Variants in FANCC observed in about 807,000 individuals in gnomAD.
FANCC encodes Fanconi anemia group C protein.
Under a neutral mutation model 71.3 loss-of-function variants are expected in FANCC, and 55 were observed. That is an observed-to-expected ratio of 0.77 (90% CI 0.62 to 0.97). FANCC has a LOEUF of 0.97. Among genes scored for constraint, FANCC ranks in the 50% least tolerant of loss-of-function variants. The pLI is 0.00. For missense variants in FANCC, 678 were observed against 670.9 expected (o/e 1.01, Z -0.12); for synonymous variants, 275 against 244.9 (o/e 1.12, Z -1.15).
At position 95,112,569 on chromosome 9, in the gene FANCC, G is replaced by A. The variant is rs143886013; in HGVS notation, c.1155-932C>T. Among the ~76,000 whole-genome samples the A allele has an allele frequency of 1.1e-4, 17 of 152,336 alleles. No individual in the cohort carries two copies. In the East Asian group the frequency reaches 3.3e-3, roughly 29 times the overall value. ...GAGCTGATGCTCTGGAGGCCACGTT[G>A]GCTGTGGGCTGGGTTAGGCTGTACC... On this transcript the variant is annotated intron_variant, in intron 12 of 14. Transcript: ENST00000289081.
intron 1 of FANCC, among the ~76,000 whole-genome samples, chr9:95,259,477 A>C (rs543871438): frequency 9.2e-5 from 14 of 152,318 alleles, no homozygotes; most frequent in Non-Finnish European, 1.9e-4. Context: ...TGTTGGGAAA[A>C]CTGCTAGCCA....
At chr9:95,188,126 G>A (rs946750903) in intron 4 of FANCC, among the ~76,000 whole-genome samples, 5 of 152,164 alleles carry the variant, frequency 3.3e-5, no homozygotes, top group Non-Finnish European at 7.4e-5. Context: ...TCCTAATTAG[G>A]GGGAGAAAGA....
chr9:95,125,974 C>T (rs1825919075), intron 9 of FANCC, among the ~76,000 whole-genome samples: 1 of 152,214 alleles, frequency 6.6e-6, no homozygotes, highest in South Asian at 2.1e-4. Flanking sequence ...CACATCTCAG[C>T]TTCATGGCTG....
chr9:95,254,959 AG>A (rs907609833), intron 1 of FANCC, among the ~76,000 whole-genome samples: 5 of 152,234 alleles, frequency 3.3e-5, no homozygotes, highest in Admixed American at 6.5e-5. Flanking sequence ...ACAAAGCCGC[AG>A]GGATGTTCGC....
At chr9:95,221,279 G>A (rs1474488976) in intron 4 of FANCC, among the ~76,000 whole-genome samples, 1 of 151,972 alleles carries the variant, frequency 6.6e-6, no homozygotes, top group Non-Finnish European at 1.5e-5. Context: ...GCTAAAACAA[G>A]AAAACAGAGA....
intron 6 of FANCC, among the ~76,000 whole-genome samples, chr9:95,153,899 C>A (rs902411254): frequency 1.3e-5 from 2 of 152,084 alleles, no homozygotes; most frequent in Non-Finnish European, 2.9e-5. Flanking sequence ...CTAATTAATT[C>A]TTTAGTACTT....
In FANCC at chr9:95,192,903, A is replaced by G. The variant is rs60346856; in HGVS notation, c.346-20756T>C. 3.1e-3 allele frequency among the ~76,000 whole-genome samples: 473 copies of G among 152,316 alleles called. 1 individual carries two copies. The highest frequency in any genetic ancestry group is 0.011 in the African/African-American group (460 of 41,560). On this transcript the variant is annotated intron_variant, in intron 4 of 14. Transcript: ENST00000289081. ...TCAATAACCAACTACATAGTACTAC[A>G]TTGTCCAAATCACTGAACAAACAAG...
At chr9:95,312,635 C>T (rs1290087783) in intron 1 of FANCC, among the ~76,000 whole-genome samples, 1 of 152,240 alleles carries the variant, frequency 6.6e-6, no homozygotes, top group African/African-American at 2.4e-5. Flanking sequence ...GGATTACAGG[C>T]ATAAGTCACC....
At chr9:95,293,789 T>C in intron 1 of FANCC, 1 of 1,613,980 alleles carries the variant, frequency 6.2e-7, no homozygotes, top group Non-Finnish European at 8.5e-7. Context: ...TGGACACCTG[T>C]TTCCAGTCGG....
At chr9:95,143,376 C>T (rs1399043612) in intron 7 of FANCC, among the ~76,000 whole-genome samples, 1 of 152,106 alleles carries the variant, frequency 6.6e-6, no homozygotes, top group East Asian at 1.9e-4. Context: ...GTGATCAGGT[C>T]GAACTCTGGG....
intron 6 of FANCC, among the ~76,000 whole-genome samples, chr9:95,169,127 GAA>G (rs904280471): frequency 1.3e-5 from 2 of 152,072 alleles, no homozygotes; most frequent in Non-Finnish European, 2.9e-5. Context: ...GTGAAAAGGT[GAA>G]AGTTTTCAAC....
At chr9:95,191,954 C>A (rs1827142752) in intron 4 of FANCC, among the ~76,000 whole-genome samples, 1 of 152,240 alleles carries the variant, frequency 6.6e-6, no homozygotes, top group South Asian at 2.1e-4. Flanking sequence ...CCCCCGAGAT[C>A]CATTTTCCAT....
chr9:95,176,438 C>A (rs1826014871), intron 4 of FANCC, among the ~76,000 whole-genome samples: 2 of 152,218 alleles, frequency 1.3e-5, no homozygotes, highest in Non-Finnish European at 2.9e-5. Context: ...CCCTGGAGGG[C>A]CACAGGCTTT....
intron 1 of FANCC, among the ~76,000 whole-genome samples, chr9:95,269,794 C>A (rs1342127670): frequency 2.0e-5 from 3 of 152,110 alleles, no homozygotes; most frequent in Non-Finnish European, 4.4e-5. Flanking sequence ...TGCCCCTACA[C>A]ACCTGTGGGT....
chr9:95,153,946 T>C (rs957506449), intron 6 of FANCC, among the ~76,000 whole-genome samples: 1 of 152,070 alleles, frequency 6.6e-6, no homozygotes, highest in Non-Finnish European at 1.5e-5. Context: ...AACTATAACA[T>C]CAAATTTGTA....
At chr9:95,243,921 C>T (rs1830780758) in intron 3 of FANCC, among the ~76,000 whole-genome samples, 1 of 152,236 alleles carries the variant, frequency 6.6e-6, no homozygotes. Context: ...TCATGCCATT[C>T]AGCCACCTCT....
chr9:95,115,723 A>G (rs1247120816), intron 11 of FANCC, among the ~76,000 whole-genome samples: 1 of 152,210 alleles, frequency 6.6e-6, no homozygotes, highest in Non-Finnish European at 1.5e-5. Flanking sequence ...GCTACTCCAC[A>G]AGGCCAGCGC....
At chr9:95,146,150 C>T (rs1829514865) in intron 7 of FANCC, among the ~76,000 whole-genome samples, 1 of 151,934 alleles carries the variant, frequency 6.6e-6, no homozygotes, top group Non-Finnish European at 1.5e-5. Flanking sequence ...AAGGAAGGGT[C>T]TACATATGTA....
At chr9:95,131,972 T>G (rs1158966165) in intron 8 of FANCC, among the ~76,000 whole-genome samples, 3 of 152,252 alleles carry the variant, frequency 2.0e-5, no homozygotes, top group African/African-American at 7.2e-5. Context: ...CTTAAGTTCT[T>G]ATTAGATAAA....
Sources: gnomAD v4.1 joint callset for allele counts (sites outside exome capture counted in the v4.1 genomes callset) on GRCh38, gnomAD v4.1.1 for gene constraint, MANE v1.5 for transcripts, NCBI Gene and HGNC (gene_info 2026-07-23, HGNC 2026-07-21) for gene names.